The following TTN variants were observed in gnomAD, a reference collection of about 807,000 sequenced individuals.
TTN encodes the protein titin.
A neutral mutation model predicts 3,223.0 loss-of-function variants in TTN; 1,525 were observed. That is an observed-to-expected ratio of 0.47 (90% CI 0.45 to 0.49). The LOEUF (loss-of-function observed/expected upper bound fraction) is 0.49. Among genes scored for constraint, TTN ranks in the 20% least tolerant of loss-of-function variants. The pLI, the probability that TTN is intolerant of heterozygous loss-of-function variation, is 0.00. For missense variants in TTN, 40,786 were observed against 43,424.0 expected (o/e 0.94, Z 5.40); for synonymous variants, 14,094 against 15,161.0 (o/e 0.93, Z 5.17).
intron 44 of TTN, among the ~76,000 whole-genome samples, chr2:178,758,553 G>A (rs757845765): frequency 6.6e-6 from 1 of 152,196 alleles, no homozygotes; most frequent in Non-Finnish European, 1.5e-5. Context: ...GTACAGACCT[G>A]AAACGGTCTA....
chr2:178,564,724 C>T lies in TTN; in HGVS notation c.81408G>A (p.Gly27136=), dbSNP rs754436023. 12 of 1,613,198 alleles carry T rather than the reference C, an allele frequency of 7.4e-6. No individual in the cohort carries two copies. The East Asian group carries it at 2.5e-4, about 33-fold the overall frequency. Reference sequence around the variant, plus strand: ...ACTCATACTCAAGGCCCTCATCAAGCCCAGTTGTTTTGAATTTGGTGTCCT... The same window carrying T: ...ACTCATACTCAAGGCCCTCATCAAGTCCAGTTGTTTTGAATTTGGTGTCCT... ...PIQDTKFKTT[G]LDEGLEYEFK... Residue 27136 remains glycine, a synonymous_variant, in exon 326 of 363, where the codon GGG becomes GGA. Coordinates refer to ENST00000589042, the MANE Select transcript of TTN (RefSeq NM_001267550.2).
intron 69 of TTN, 120 bp downstream of exon 69, chr2:178,726,970 A>G: frequency 9.2e-7 from 1 of 1,090,056 alleles, no homozygotes; most frequent in Non-Finnish European, 1.2e-6. Context: ...ATACTAGCTC[A>G]GAAAAATATT....
At position 178,569,305 on chromosome 2, in the gene TTN, T is replaced by C; in HGVS notation, c.76827A>G (p.Lys25609=). Residue 25609 remains lysine, a synonymous_variant, in exon 326 of 363, where the codon AAA becomes AAG. Transcript: ENST00000589042. ...LDTPSPPVNL[K]VTEITKDSVS... is the part of the protein sequence containing the mutation. ...CTGAGTCTTTGGTGATTTCTGTGAC[T>C]TTCAGGTTAACAGGTGGACTTGGCG... The C allele has an allele frequency of 6.2e-7, 1 of 1,612,038 alleles. No individual in the cohort carries two copies. Among genetic ancestry groups the C allele is most frequent in the South Asian group, 1.1e-5 (1 of 90,726 alleles).
chr2:178,534,405 G>T lies in TTN; in HGVS notation c.102210C>A (p.His34070Gln). ...TTTCTATCTTCTGCTTCAACCATGG[G>T]TGCTGGAGAGCCTCCGATGCTGTCA... The part of the protein sequence containing the change: ...SRMTASEALQ[H>Q]PWLKQKIERV... The change falls in exon 358 of 363, where the codon CAC becomes CAA. Residue 34070 changes from histidine to glutamine, a missense_variant. Coordinates refer to ENST00000589042, the MANE Select transcript of TTN (RefSeq NM_001267550.2). The T allele has an allele frequency of 6.2e-7, 1 of 1,611,112 alleles. No individual in the cohort carries two copies. The highest frequency in any genetic ancestry group is 1.3e-5 in the African/African-American group (1 of 75,008).
rs1175925989 is a variant in TTN at position 178,683,915 on chromosome 2, T to C, written c.32806+84A>G. 11 of 1,013,174 alleles carry C rather than the reference T, an allele frequency of 1.1e-5. No homozygotes were observed. The East Asian group carries it at 2.6e-4, about 24-fold the overall frequency. The allele number at this position is 1,013,174 out of a possible 1,614,324, so 62.8% of individuals were successfully genotyped here. Reference sequence around the variant, plus strand: ...TTACTTTATACTATGTCTTTTTTTTTCTAATGGAACCTATTCCACTAGATT... The same window carrying C: ...TTACTTTATACTATGTCTTTTTTTTCCTAATGGAACCTATTCCACTAGATT... On this transcript the variant is annotated intron_variant, in intron 133 of 362. Coordinates refer to ENST00000589042, the MANE Select transcript of TTN (RefSeq NM_001267550.2).
At chr2:178,713,684 C>A in intron 92 of TTN, 1 of 762,266 alleles carries the variant, frequency 1.3e-6, no homozygotes, top group Non-Finnish European at 2.0e-6. Flanking sequence ...TCATTCCTAT[C>A]ATCATTTTGG....
At chr2:178,751,761 C>T in intron 47 of TTN, 2 of 1,613,086 alleles carry the variant, frequency 1.2e-6, no homozygotes, top group Non-Finnish European at 1.7e-6. Flanking sequence ...CGACGAAGAC[C>T]TGTTGGGATG....
chr2:178,730,085 G>C lies in TTN; in HGVS notation c.18307+8C>G. The stretch of plus-strand genomic sequence containing the variant: ...AAGCAAGAAAGTGAGGAGATGTAGA[G>C]ACCAGACCTTTTACAAAGAGAGTGG... On this transcript the variant is annotated splice_region_variant and intron_variant, in intron 62 of 362. Coordinates refer to ENST00000589042, the MANE Select transcript of TTN (RefSeq NM_001267550.2). 6.5e-7 allele frequency: 1 copy of C among 1,535,500 alleles called. No homozygotes were observed. The highest frequency in any genetic ancestry group is 1.4e-5 in the African/African-American group (1 of 71,838).
At position 178,575,466 on chromosome 2, in the gene TTN, G is replaced by C. The variant is rs750670403; in HGVS notation, c.70666C>G (p.Pro23556Ala). The C allele has an allele frequency of 6.2e-7, 1 of 1,613,608 alleles. No individual in the cohort carries two copies. The highest frequency in any genetic ancestry group is 2.2e-5 in the East Asian group (1 of 44,816). ...KSTVSLAWPK[P>A]KHDGGSKITG... The stretch of plus-strand genomic sequence containing the variant: ...ATCTTGCTGCCACCATCGTGTTTGG[G>C]CTTAGGCCATGCCAGGCTGACGGTG... Residue 23556 changes from proline (P) to alanine (A), a missense_variant, in exon 326 of 363, where the codon CCC becomes GCC. By Grantham distance (27) the Pro-to-Ala change is conservative. Coordinates refer to ENST00000589042, the MANE Select transcript of TTN (RefSeq NM_001267550.2). This position sits in a 1 kb window ranked among gnomAD's most constrained non-coding sequence, Gnocchi z 4.0.
rs2049556477 is a variant in TTN, at chr2:178,588,556, C to T, written c.63169G>A (p.Val21057Met). 4 of 1,530,316 alleles carry T rather than the reference C, an allele frequency of 2.6e-6. No homozygotes were observed. Among genetic ancestry groups the T allele is most frequent in the South Asian group, 1.3e-5 (1 of 74,416 alleles). The allele number at this position is 1,530,316 out of a possible 1,614,324, so 94.8% of individuals were successfully genotyped here. ...ATCCTACCTATGGGGTCTTTTGCCACCACCGGTCTTGAAGGCAAGCTTGGT... is the reference window on the plus strand; with the variant it reads ...ATCCTACCTATGGGGTCTTTTGCCATCACCGGTCTTGAAGGCAAGCTTGGT... ...GEPSLPSRPV[V>M]AKDPIEPPGP... Residue 21057 changes from valine to methionine, a missense_variant, in exon 304 of 363, where the codon GTG (valine) becomes ATG (methionine). Coordinates refer to ENST00000589042, the MANE Select transcript of TTN (RefSeq NM_001267550.2).
Position 178,548,389 on chromosome 2 carries a change from G to A in TTN, c.93237C>T (p.Asp31079=), listed in dbSNP as rs794727469. The part of the protein sequence containing the change: ...KCTRQIFKVN[D]LAEGVPYYFR... ...AATAGTACGGAACACCTTCGGCCAG[G>A]TCATTGACCTTGAAGATCTGACGAG... The change falls in exon 339 of 363, where the codon GAC becomes GAT. Residue 31079 remains aspartate (D), a synonymous_variant. Transcript: ENST00000589042. This position sits in a 1 kb window ranked among gnomAD's most constrained non-coding sequence, Gnocchi z 4.3. 1 of 1,613,860 alleles carries A rather than the reference G, an allele frequency of 6.2e-7. No individual in the cohort carries two copies. The highest frequency in any genetic ancestry group is 8.5e-7 in the Non-Finnish European group (1 of 1,179,816).
chr2:178,766,417 C>G lies in TTN; in HGVS notation c.9667G>C (p.Gly3223Arg). ...AGAGTGACAGAACTCCTGTTCCTTC[C>G]TGCCACAAAGGTGTATTCTCCTGCA... is the stretch of plus-strand genomic sequence containing the variant. ...SDAGEYTFVA[G>R]RNRSSVTLYV... The change falls in exon 41 of 363, where the codon GGA becomes CGA. Residue 3223 changes from glycine to arginine, a missense_variant. Physicochemically the swap from Gly to Arg is moderately radical, Grantham distance 125. Coordinates refer to ENST00000589042, the MANE Select transcript of TTN (RefSeq NM_001267550.2). The G allele has an allele frequency of 6.2e-7, 1 of 1,614,062 alleles. No homozygotes were observed. Among genetic ancestry groups the G allele is most frequent in the Non-Finnish European group, 8.5e-7 (1 of 1,179,942 alleles).
At chr2:178,757,208 A>AAGTACAGTAAGTAACACTGTACTTG (rs1561095013) in intron 45 of TTN, among the ~76,000 whole-genome samples, 175 of 54,950 alleles carry the variant, frequency 3.2e-3, no homozygotes, top group Admixed American at 4.8e-3. Context: ...TACTGTACTT[A>AAGTACAGTAAGTAACACTGTACTTG]CTTTAAGTAC....
At chr2:178,745,860 G>A (rs1371174206) in intron 47 of TTN, 1 of 1,612,950 alleles carries the variant, frequency 6.2e-7, no homozygotes, top group East Asian at 2.2e-5. Context: ...ATAAACCTGG[G>A]AGGCCCTTCC....
Position 178,696,101 on chromosome 2 carries a change from A to T in TTN, c.30971T>A (p.Leu10324Gln), listed in dbSNP as rs1312062295. The T allele has an allele frequency of 1.3e-6, 2 of 1,551,260 alleles. No homozygotes were observed. Among genetic ancestry groups the T allele is most frequent in the East Asian group, 2.4e-5 (1 of 40,910 alleles). The change falls in exon 114 of 363, where the codon CTG (leucine) becomes CAG (glutamine). Residue 10324 changes from leucine to glutamine, a missense_variant. Leu to Gln is a moderately radical substitution (Grantham distance 113). Coordinates refer to ENST00000589042, the MANE Select transcript of TTN (RefSeq NM_001267550.2). Reference sequence around the variant, plus strand: ...TGGCTCTGTGTATGGTTCTACCTCCAGTTCGTCATAAGGTTCTTCGAAAGA... The same window carrying T: ...TGGCTCTGTGTATGGTTCTACCTCCTGTTCGTCATAAGGTTCTTCGAAAGA... ...IESFEEPYDE[L>Q]EVEPYTEPFE...
chr2:178,686,113 A>ATTTTTTTTTTTTTTTTTTTTTTTTTTT lies in TTN; in HGVS notation c.32312-516_32312-515insAAAAAAAAAAAAAAAAAAAAAAAAAAA, dbSNP rs765570520. Among the ~76,000 whole-genome samples the ATTTTTTTTTTTTTTTTTTTTTTTTTTT allele has an allele frequency of 2.1e-4, 16 of 77,802 alleles. 3 individuals carry two copies. The highest frequency in any genetic ancestry group is 7.5e-4 in the Admixed American group (4 of 5,346). The allele number at this position is 77,802 out of a possible 152,430, so 51.0% of individuals were successfully genotyped here. ...TTGAGCCTAAGTGTATACAGTTTTA[A>ATTTTTTTTTTTTTTTTTTTTTTTTTTT]TTTTTTTTTTTTTTTTTTTTTTTTT... On this transcript the variant is annotated intron_variant, in intron 127 of 362. Transcript: ENST00000589042.
At chr2:178,746,349 G>T in intron 47 of TTN, 1 of 1,612,346 alleles carries the variant, frequency 6.2e-7, no homozygotes, top group Non-Finnish European at 8.5e-7. Context: ...AAATTAAATG[G>T]AAGAACATCT....
Position 178,561,563 on chromosome 2 carries a change from T to G in TTN, c.84569A>C (p.His28190Pro). Residue 28190 changes from histidine (H) to proline (P), a missense_variant, in exon 326 of 363, where the codon CAT (histidine) becomes CCT (proline). Transcript: ENST00000589042. ...GCTGCTTCTTTCTTTATACTCAAGA[T>G]GATAGCCAATTACTCGACTTCCTCC... Reference protein sequence around the residue: ...NDGGSRVIGYHLEYKERSSIL... With the variant: ...NDGGSRVIGYPLEYKERSSIL... 6.2e-7 allele frequency: 1 copy of G among 1,613,400 alleles called. No homozygotes were observed. The highest frequency in any genetic ancestry group is 8.5e-7 in the Non-Finnish European group (1 of 1,179,612).
At position 178,571,213 on chromosome 2, in the gene TTN, A is replaced by C; in HGVS notation, c.74919T>G (p.Leu24973=). 6.2e-7 allele frequency: 1 copy of C among 1,613,546 alleles called. No individual in the cohort carries two copies. Among genetic ancestry groups the C allele is most frequent in the Non-Finnish European group, 8.5e-7 (1 of 1,179,636 alleles). Residue 24973 remains leucine (L), a synonymous_variant, in exon 326 of 363, where the codon CTT becomes CTG. Coordinates refer to ENST00000589042, the MANE Select transcript of TTN (RefSeq NM_001267550.2). ...IPQTKFKTTG[L]EEGVEYEFRV... ...TAAATTCATATTCAACACCTTCTTC[A>C]AGGCCAGTTGTCTTAAACTTGGTTT...
Sources: allele counts gnomAD v4.1 joint callset (sites outside exome capture counted in the v4.1 genomes callset), GRCh38; gene constraint gnomAD v4.1.1; non-coding constraint Gnocchi (gnomAD v3.1); transcripts MANE v1.5; gene names NCBI Gene and HGNC (gene_info 2026-07-23, HGNC 2026-07-21).